Variants in MATN2 observed in about 807,000 individuals in gnomAD.
MATN2 encodes matrilin-2.
A neutral mutation model predicts 103.2 loss-of-function variants in MATN2; 69 were observed. The observed-to-expected ratio is 0.67, with a 90% CI of 0.55 to 0.82. MATN2 has a LOEUF of 0.82. Ranked by LOEUF, MATN2 falls within the 40% of genes least tolerant of loss-of-function variation. MATN2 has a pLI of 0.00. For synonymous variants in MATN2, 429 were observed against 450.2 expected (o/e 0.95, Z 0.60); for missense variants, 1,023 against 1,211.5 (o/e 0.84, Z 2.31).
At chr8:97,914,552 T>C (rs1010462648) in intron 2 of MATN2, among the ~76,000 whole-genome samples, 1 of 151,064 alleles carries the variant, frequency 6.6e-6, no homozygotes, top group Non-Finnish European at 1.5e-5. Flanking sequence ...TTTTTTTTAA[T>C]CTATTGTAGA....
intron 2 of MATN2, among the ~76,000 whole-genome samples, chr8:97,905,058 C>T (rs1466161185): frequency 6.6e-6 from 1 of 152,170 alleles, no homozygotes; most frequent in Admixed American, 6.5e-5. Context: ...TTACACTCAT[C>T]ACTACTTCAA....
intron 4 of MATN2, among the ~76,000 whole-genome samples, chr8:97,947,175 C>G (rs1810779866): frequency 1.3e-5 from 2 of 152,090 alleles, no homozygotes; most frequent in African/African-American, 2.4e-5. Flanking sequence ...AGTTTGAGAC[C>G]AACCTAGCTA....
At chr8:97,870,444 G>A (rs1817854470) in intron 1 of MATN2, among the ~76,000 whole-genome samples, 1 of 152,124 alleles carries the variant, frequency 6.6e-6, no homozygotes, top group Non-Finnish European at 1.5e-5. Context: ...GTTGAACCCA[G>A]GAGGCAGAGA....
At position 97,941,880 on chromosome 8, in the gene MATN2, G is replaced by T. The variant is rs35407519; in HGVS notation, c.816G>T (p.Ser272=). The T allele has an allele frequency of 0.11, 176,992 of 1,612,862 alleles. 11,105 individuals carry two copies. Among genetic ancestry groups the T allele is most frequent in the Admixed American group, 0.24 (14,213 of 59,930 alleles). Residue 272 remains serine, a synonymous_variant, in exon 4 of 19, where the codon TCG becomes TCT. Transcript: ENST00000254898. ...CRCKQGYILN[S]DQTTCRIQDL... is the part of the protein sequence containing the mutation. ...GCAAACAAGGCTACATTCTCAACTC[G>T]GATCAGACGACTTGCAGAAGTAAGA... is the stretch of plus-strand genomic sequence containing the variant.
chr8:97,922,636 G>C (rs1430003731), intron 2 of MATN2, among the ~76,000 whole-genome samples: 5 of 152,078 alleles, frequency 3.3e-5, no homozygotes, highest in African/African-American at 1.2e-4. Flanking sequence ...AGGCTGAGGG[G>C]GACAGGGCCA....
chr8:97,880,083 C>T (rs899798785), intron 1 of MATN2, among the ~76,000 whole-genome samples: 1 of 108,646 alleles, frequency 9.2e-6, no homozygotes, highest in Non-Finnish European at 2.0e-5. Context: ...ATCTTTCTTT[C>T]TTTTTTTTTT....
intron 2 of MATN2, among the ~76,000 whole-genome samples, chr8:97,893,629 T>C (rs1470509891): frequency 6.6e-6 from 1 of 151,982 alleles, no homozygotes; most frequent in African/African-American, 2.4e-5. Context: ...CAGGCTGGAG[T>C]GCAGTGGTGG....
intron 6 of MATN2, among the ~76,000 whole-genome samples, chr8:97,993,834 A>G (rs1002416944): frequency 8.5e-5 from 13 of 152,156 alleles, no homozygotes; most frequent in Non-Finnish European, 1.6e-4. Flanking sequence ...AATTGCTTAA[A>G]TTCGATAAAA....
intron 2 of MATN2, among the ~76,000 whole-genome samples, chr8:97,890,274 G>A (rs551327002): frequency 6.6e-6 from 1 of 152,122 alleles, no homozygotes; most frequent in African/African-American, 2.4e-5. Flanking sequence ...AGACCAGCCT[G>A]ACCAACATGG....
chr8:97,981,019 TG>T (rs1394789231), intron 6 of MATN2, among the ~76,000 whole-genome samples: 10 of 148,318 alleles, frequency 6.7e-5, no homozygotes, highest in African/African-American at 2.4e-4. Context: ...CTACAAAAAC[TG>T]TTTTTTTTTT....
chr8:97,951,583 G>A (rs374293892), intron 4 of MATN2, among the ~76,000 whole-genome samples: 1 of 152,104 alleles, frequency 6.6e-6, no homozygotes, highest in Non-Finnish European at 1.5e-5. Context: ...AGGGGATGTC[G>A]ATGTACGCTG....
At chr8:98,004,093 C>A in intron 8 of MATN2, 1 of 306,358 alleles carries the variant, frequency 3.3e-6, no homozygotes. Flanking sequence ...TCAAGACCAG[C>A]CTGGCCAACA....
intron 2 of MATN2, among the ~76,000 whole-genome samples, chr8:97,909,603 G>T (rs1349020385): frequency 6.6e-6 from 1 of 152,132 alleles, no homozygotes; most frequent in East Asian, 1.9e-4. Flanking sequence ...GCAGGCAGGA[G>T]TATGCTTGAA....
intron 16 of MATN2, 90 bp from the exon 17 acceptor site, chr8:98,032,952 T>C: frequency 7.8e-7 from 1 of 1,278,682 alleles, no homozygotes; most frequent in South Asian, 1.7e-5. Flanking sequence ...TACCAAGTGC[T>C]AGGAATACCA....
chr8:97,896,906 T>TGGGCAGTGGGATCA (rs1818828854), intron 2 of MATN2, among the ~76,000 whole-genome samples: 1 of 59,178 alleles, frequency 1.7e-5, no homozygotes, highest in Non-Finnish European at 3.6e-5. Context: ...CAGTGGGATC[T>TGGGCAGTGGGATCA]GGCAACACGA....
At chr8:97,876,825 G>T (rs1818089632) in intron 1 of MATN2, among the ~76,000 whole-genome samples, 1 of 151,818 alleles carries the variant, frequency 6.6e-6, no homozygotes, top group South Asian at 2.1e-4. Context: ...CTATGATTGT[G>T]GATACATTTT....
intron 7 of MATN2, among the ~76,000 whole-genome samples, chr8:98,001,050 T>C (rs1234969387): frequency 6.6e-6 from 1 of 152,234 alleles, no homozygotes; most frequent in Non-Finnish European, 1.5e-5. Context: ...GATTTGTGGA[T>C]GTGAGCTTCG....
At chr8:97,997,531 G>A (rs184736957) in intron 7 of MATN2, among the ~76,000 whole-genome samples, 5 of 152,294 alleles carry the variant, frequency 3.3e-5, no homozygotes, top group East Asian at 1.9e-4. Context: ...CAGAAAGATC[G>A]TTTGATTTGT....
rs555656922 is a variant in MATN2, at chr8:97,998,476, C to A, written c.1204+3874C>A. ...GGCGGAGCTTGCAGTGAGCCGAGATCGTGCCACTGCACTCCAGCCTGGGCG... is the reference window on the plus strand; with the variant it reads ...GGCGGAGCTTGCAGTGAGCCGAGATAGTGCCACTGCACTCCAGCCTGGGCG... On this transcript the variant is annotated intron_variant, in intron 7 of 18. Coordinates refer to ENST00000254898, the MANE Select transcript of MATN2 (RefSeq NM_002380.5). Among the ~76,000 whole-genome samples the A allele has an allele frequency of 2.5e-4, 35 of 139,972 alleles. No individual in the cohort carries two copies. The South Asian group carries it at 6.7e-3, about 27-fold the overall frequency. The allele number at this position is 139,972 out of a possible 152,430, so 91.8% of individuals were successfully genotyped here.
Sources: gnomAD v4.1 joint callset for allele counts (sites outside exome capture counted in the v4.1 genomes callset) on GRCh38, gnomAD v4.1.1 for gene constraint, MANE v1.5 for transcripts, NCBI Gene and HGNC (gene_info 2026-07-23, HGNC 2026-07-21) for gene names.